The following GRIA4 variants were observed in gnomAD, a reference collection of about 807,000 sequenced individuals.
GRIA4 encodes glutamate receptor 4.
A neutral mutation model predicts 104.0 loss-of-function variants in GRIA4; 34 were observed. The observed-to-expected ratio is 0.33, with a 90% confidence interval of 0.25 to 0.44. The LOEUF (loss-of-function observed/expected upper bound fraction) is 0.44. Ranked by LOEUF, GRIA4 falls within the 20% of genes least tolerant of loss-of-function variation. The pLI is 1.00. For synonymous variants in GRIA4, 386 were observed against 381.9 expected (o/e 1.01, Z -0.13); for missense variants, 750 against 1,096.5 (o/e 0.68, Z 4.46).
chr11:105,788,187 T>C (rs554193681), intron 4 of GRIA4, among the ~76,000 whole-genome samples: 5 of 152,250 alleles, frequency 3.3e-5, no homozygotes, highest in African/African-American at 9.6e-5. Flanking sequence ...AAATGTTATG[T>C]GATTGTTGTA....
chr11:105,840,615 T>C (rs641435), intron 4 of GRIA4, among the ~76,000 whole-genome samples: 17,022 of 152,118 alleles, frequency 0.11, 1,648 homozygotes, highest in African/African-American at 0.26. Context: ...ACTTAAAAGG[T>C]TTGAGAAATG....
At chr11:105,922,664 G>A (rs551639639) in intron 11 of GRIA4, among the ~76,000 whole-genome samples, 1 of 152,052 alleles carries the variant, frequency 6.6e-6, no homozygotes, top group Admixed American at 6.6e-5. Context: ...TATATTATTT[G>A]AGAAGAGAAA....
At chr11:105,861,100 G>A (rs1484468345) in intron 4 of GRIA4, among the ~76,000 whole-genome samples, 1 of 152,040 alleles carries the variant, frequency 6.6e-6, no homozygotes, top group African/African-American at 2.4e-5. Flanking sequence ...CTTGGACCAG[G>A]TGCCTTCCCT....
intron 3 of GRIA4, among the ~76,000 whole-genome samples, chr11:105,704,345 G>A (rs950290850): frequency 2.6e-5 from 4 of 152,094 alleles, no homozygotes; most frequent in Non-Finnish European, 4.4e-5. Context: ...GAATTGACTA[G>A]ATAAGGAGGT....
At chr11:105,831,299 A>C (rs1943968636) in intron 4 of GRIA4, among the ~76,000 whole-genome samples, 2 of 152,010 alleles carry the variant, frequency 1.3e-5, no homozygotes, top group African/African-American at 4.8e-5. Context: ...GTTTCAAAGG[A>C]TAAGTTCCAG....
At chr11:105,637,153 T>C (rs1011857581) in intron 3 of GRIA4, among the ~76,000 whole-genome samples, 1 of 152,046 alleles carries the variant, frequency 6.6e-6, no homozygotes, top group African/African-American at 2.4e-5. Context: ...AAAATAGTTT[T>C]ATGAAGCTAG....
chr11:105,922,881 T>C (rs553949548), intron 11 of GRIA4, among the ~76,000 whole-genome samples: 1 of 152,268 alleles, frequency 6.6e-6, no homozygotes, highest in South Asian at 2.1e-4. Flanking sequence ...ATATCACTTA[T>C]GTAACAAAAA....
At chr11:105,768,605 G>A (rs373892215) in intron 4 of GRIA4, among the ~76,000 whole-genome samples, 1 of 152,034 alleles carries the variant, frequency 6.6e-6, no homozygotes, top group Non-Finnish European at 1.5e-5. Context: ...CTATTAGCAG[G>A]TGGCTTATGT....
chr11:105,663,158 A>C (rs1010499430), intron 3 of GRIA4, among the ~76,000 whole-genome samples: 5 of 136,592 alleles, frequency 3.7e-5, no homozygotes, highest in South Asian at 4.8e-4. Flanking sequence ...TATCAAGTTC[A>C]TTGATTTATA....
rs185468075 is a variant in GRIA4 at position 105,829,946 on chromosome 11, A to G, written c.488-32078A>G. Among the ~76,000 whole-genome samples, 358 of 152,114 alleles carry G rather than the reference A, an allele frequency of 2.4e-3. 3 individuals carry two copies. The highest frequency in any genetic ancestry group is 8.1e-3 in the African/African-American group (338 of 41,552). ...TAAAAATAGAAGCCTGCAGAAAATTATTTTGATCACTATAAAACAAAACTA... is the reference window on the plus strand; with the variant it reads ...TAAAAATAGAAGCCTGCAGAAAATTGTTTTGATCACTATAAAACAAAACTA... On this transcript the variant is annotated intron_variant, in intron 4 of 16. Transcript: ENST00000282499.
chr11:105,943,983 A>G (rs1591472576), intron 14 of GRIA4, among the ~76,000 whole-genome samples: 1 of 152,184 alleles, frequency 6.6e-6, no homozygotes, highest in Non-Finnish European at 1.5e-5. Context: ...ATGAAGTTAG[A>G]GTACCAAGGA....
chr11:105,917,678 T>C (rs1218602911), intron 10 of GRIA4, among the ~76,000 whole-genome samples: 2 of 152,136 alleles, frequency 1.3e-5, no homozygotes, highest in Non-Finnish European at 2.9e-5. Flanking sequence ...AAAACTCAGA[T>C]GTGACCAGGG....
chr11:105,724,150 C>T (rs974240811), intron 3 of GRIA4, among the ~76,000 whole-genome samples: 1 of 151,988 alleles, frequency 6.6e-6, no homozygotes, highest in South Asian at 2.1e-4. Flanking sequence ...ATCTAGCAAT[C>T]CCACTACTGG....
intron 3 of GRIA4, among the ~76,000 whole-genome samples, chr11:105,732,084 G>A (rs1244994672): frequency 6.6e-6 from 1 of 152,150 alleles, no homozygotes; most frequent in African/African-American, 2.4e-5. Flanking sequence ...AAGCTGTCCA[G>A]TAATATCAAG....
chr11:105,769,988 A>G (rs1941138541), intron 4 of GRIA4, among the ~76,000 whole-genome samples: 1 of 152,094 alleles, frequency 6.6e-6, no homozygotes, highest in Non-Finnish European at 1.5e-5. Context: ...TTCTACACCT[A>G]CTGTATATTT....
At chr11:105,736,961 T>C (rs1269614150) in intron 3 of GRIA4, among the ~76,000 whole-genome samples, 1 of 152,004 alleles carries the variant, frequency 6.6e-6, no homozygotes. Context: ...GCAGAAGCAG[T>C]AAGAGAAAAT....
At chr11:105,765,642 C>A (rs1373876064) in intron 4 of GRIA4, among the ~76,000 whole-genome samples, 1 of 152,166 alleles carries the variant, frequency 6.6e-6, no homozygotes, top group African/African-American at 2.4e-5. Context: ...AAAACAGGGG[C>A]CAGCTAACTA....
At chr11:105,739,212 G>A (rs990792265) in intron 3 of GRIA4, among the ~76,000 whole-genome samples, 1 of 152,146 alleles carries the variant, frequency 6.6e-6, no homozygotes, top group African/African-American at 2.4e-5. Flanking sequence ...TGTAGGCCTT[G>A]GAAGCAAAGT....
intron 3 of GRIA4, among the ~76,000 whole-genome samples, chr11:105,749,266 G>A (rs919775245): frequency 6.6e-6 from 1 of 152,252 alleles, no homozygotes; most frequent in East Asian, 1.9e-4. Flanking sequence ...TGGAAAATGC[G>A]GAAGCCAGGT....
Sources: gnomAD v4.1 joint callset for allele counts (sites outside exome capture counted in the v4.1 genomes callset) on GRCh38, gnomAD v4.1.1 for gene constraint, MANE v1.5 for transcripts, NCBI Gene and HGNC (gene_info 2026-07-23, HGNC 2026-07-21) for gene names.